The following CFAP44 variants were observed in gnomAD, a reference collection of about 807,000 sequenced individuals.
The protein encoded by CFAP44 is cilia and flagella associated protein 44, also known as cilia- and flagella-associated protein 44.
A neutral mutation model predicts 216.2 loss-of-function variants in CFAP44; 134 were observed. That is an observed-to-expected ratio of 0.62 (90% CI 0.54 to 0.72). The LOEUF (loss-of-function observed/expected upper bound fraction) is 0.72, where lower values mean the gene tolerates loss of function less well. Among genes scored for constraint, CFAP44 ranks in the 30% least tolerant of loss-of-function variants. The pLI, the probability that CFAP44 is intolerant of heterozygous loss-of-function variation, is 0.00. For synonymous variants in CFAP44, 700 were observed against 727.6 expected (o/e 0.96, Z 0.61); for missense variants, 2,035 against 2,182.1 (o/e 0.93, Z 1.34).
intron 22 of CFAP44, among the ~76,000 whole-genome samples, chr3:113,353,190 T>C (rs879145128): frequency 6.6e-6 from 1 of 152,086 alleles, no homozygotes; most frequent in African/African-American, 2.4e-5. Context: ...GTTTGATCTA[T>C]GGCACAGGTG....
At chr3:113,335,826 T>C (rs918747934) in intron 24 of CFAP44, among the ~76,000 whole-genome samples, 5 of 152,228 alleles carry the variant, frequency 3.3e-5, no homozygotes, top group African/African-American at 1.2e-4. Context: ...GTAGATAGAC[T>C]GTATATGCGT....
chr3:113,389,148 T>C (rs1933728871), intron 15 of CFAP44, among the ~76,000 whole-genome samples: 1 of 152,158 alleles, frequency 6.6e-6, no homozygotes, highest in Non-Finnish European at 1.5e-5. Context: ...CTTAAAACAT[T>C]CCAAAAATTG....
At chr3:113,399,851 T>G in intron 13 of CFAP44, 55 bp downstream of exon 13, 1 of 1,205,516 alleles carries the variant, frequency 8.3e-7, no homozygotes, top group Non-Finnish European at 1.1e-6. Flanking sequence ...AAAATAGCAT[T>G]GATATACCAT....
intron 32 of CFAP44, among the ~76,000 whole-genome samples, chr3:113,299,774 A>G (rs898567221): frequency 6.6e-6 from 1 of 152,168 alleles, no homozygotes; most frequent in Non-Finnish European, 1.5e-5. Flanking sequence ...CACACCTGTA[A>G]TCCTAGGGCT....
chr3:113,434,671 A>T (rs1417054034), intron 1 of CFAP44: 4 of 152,226 alleles, frequency 2.6e-5, no homozygotes, highest in African/African-American at 9.6e-5. Context: ...TGGCAAGCAG[A>T]ATGGAACACT....
At chr3:113,423,189 C>G (rs1934866968) in intron 4 of CFAP44, among the ~76,000 whole-genome samples, 5 of 148,864 alleles carry the variant, frequency 3.4e-5, no homozygotes. Flanking sequence ...AACATGGCTC[C>G]CTGCAGGCTC....
chr3:113,287,585 G>A lies in CFAP44; in HGVS notation c.*3972C>T, dbSNP rs1396335482. On this transcript the variant is annotated 3_prime_UTR_variant, in exon 35 of 35. Coordinates refer to ENST00000393845, the MANE Select transcript of CFAP44 (RefSeq NM_001164496.2). ...ATGAGATCTGAAAAAGGTAGTAAATGTTTCTCTTTTTTGTTTTTTAAAACA... is the reference window on the plus strand; with the variant it reads ...ATGAGATCTGAAAAAGGTAGTAAATATTTCTCTTTTTTGTTTTTTAAAACA... 1 of 152,728 alleles carries A rather than the reference G, an allele frequency of 6.5e-6. No individual in the cohort carries two copies. Among genetic ancestry groups the A allele is most frequent in the African/African-American group, 2.4e-5 (1 of 41,442 alleles). 9.5% of individuals were successfully genotyped at this position (152,728 alleles called of 1,614,324 possible). A position where few individuals can be genotyped will look rare whatever the true frequency, so the allele number is the denominator to read the frequency against.
At chr3:113,401,089 G>A (rs1934127658) in intron 11 of CFAP44, 151 bp downstream of exon 11, 2 of 652,676 alleles carry the variant, frequency 3.1e-6, no homozygotes, top group Non-Finnish European at 2.6e-6. Flanking sequence ...ATCATAACGA[G>A]AGAGAGAATT....
intron 17 of CFAP44, among the ~76,000 whole-genome samples, chr3:113,378,122 C>G (rs558834572): frequency 6.6e-6 from 1 of 152,218 alleles, no homozygotes; most frequent in African/African-American, 2.4e-5. Context: ...GCAATCTTCC[C>G]AATCTTCCCA....
intron 24 of CFAP44, among the ~76,000 whole-genome samples, chr3:113,339,848 A>T (rs1273008011): frequency 1.3e-5 from 2 of 152,196 alleles, no homozygotes; most frequent in Non-Finnish European, 2.9e-5. Flanking sequence ...CCTCTCACTT[A>T]GAAAAGGAAA....
chr3:113,411,270 T>C (rs905221944), intron 6 of CFAP44, among the ~76,000 whole-genome samples: 1 of 152,250 alleles, frequency 6.6e-6, no homozygotes, highest in Non-Finnish European at 1.5e-5. Context: ...AGGGTTTTTA[T>C]GGTTTTAGGT....
chr3:113,405,258 TG>T (rs1389480954), intron 8 of CFAP44, among the ~76,000 whole-genome samples: 1 of 152,226 alleles, frequency 6.6e-6, no homozygotes, highest in South Asian at 2.1e-4. Flanking sequence ...CAGCCATTTA[TG>T]GTAGAGTCTT....
chr3:113,351,087 C>T (rs917508610), intron 22 of CFAP44, among the ~76,000 whole-genome samples: 12 of 152,086 alleles, frequency 7.9e-5, no homozygotes, highest in Admixed American at 3.3e-4. Context: ...ATAATGGGTC[C>T]GCTCAAATGT....
intron 15 of CFAP44, among the ~76,000 whole-genome samples, chr3:113,386,789 A>G (rs558793545): frequency 6.6e-6 from 1 of 152,328 alleles, no homozygotes; most frequent in South Asian, 2.1e-4. Context: ...CATCACTGAA[A>G]GAGGCACTGC....
intron 17 of CFAP44, among the ~76,000 whole-genome samples, chr3:113,378,370 G>T (rs79553659): frequency 0.081 from 12,312 of 152,120 alleles, 594 homozygotes; most frequent in East Asian, 0.15. Context: ...AACTAATAAA[G>T]GATGTCCTAT....
At chr3:113,398,702 T>C (rs1213705349) in intron 13 of CFAP44, among the ~76,000 whole-genome samples, 1 of 152,228 alleles carries the variant, frequency 6.6e-6, no homozygotes, top group Non-Finnish European at 1.5e-5. Context: ...GATCCCATCA[T>C]GAAATTCCCC....
intron 22 of CFAP44, among the ~76,000 whole-genome samples, chr3:113,346,877 T>G (rs190018046): frequency 2.6e-5 from 4 of 152,318 alleles, no homozygotes; most frequent in African/African-American, 4.8e-5. Context: ...TTTTTGCTCT[T>G]CACAATAAAT....
chr3:113,425,036 C>T (rs1304887703), intron 4 of CFAP44, among the ~76,000 whole-genome samples: 3 of 151,974 alleles, frequency 2.0e-5, no homozygotes, highest in Admixed American at 2.0e-4. Context: ...TATACCACCC[C>T]ATCCCATTTG....
At chr3:113,373,726 T>C (rs1312152888) in intron 17 of CFAP44, among the ~76,000 whole-genome samples, 170 bp from the exon 18 acceptor site, 4 of 152,268 alleles carry the variant, frequency 2.6e-5, no homozygotes, top group Non-Finnish European at 4.4e-5. Flanking sequence ...AAGCATCTCC[T>C]TTATCCATTT....
Sources: allele counts gnomAD v4.1 joint callset (sites outside exome capture counted in the v4.1 genomes callset), GRCh38; gene constraint gnomAD v4.1.1; transcripts MANE v1.5; gene names NCBI Gene and HGNC (gene_info 2026-07-23, HGNC 2026-07-21).